NBPF10: variants seen among roughly 807,000 people sequenced by gnomAD.
The protein encoded by NBPF10 is NBPF member 10.
NBPF10 carries 63 observed loss-of-function variants against 77.9 expected under a neutral mutation model. The observed-to-expected ratio is 0.81, with a 90% CI of 0.66 to 1.00. The LOEUF (loss-of-function observed/expected upper bound fraction) is 1.00, where lower values mean the gene tolerates loss of function less well. Among genes scored for constraint, NBPF10 ranks in the 50% least tolerant of loss-of-function variants. NBPF10 has a pLI of 0.00. For missense variants in NBPF10, 522 were observed against 679.8 expected (o/e 0.77, Z 2.58); for synonymous variants, 146 against 264.5 (o/e 0.55, Z 4.35).
intron 19 of NBPF10, among the ~76,000 whole-genome samples, 190 bp from the exon 20 acceptor site, chr1:146,121,860 CAGAGAGAG>C (rs1162254853): frequency 7.1e-6 from 1 of 141,766 alleles, no homozygotes; most frequent in East Asian, 2.2e-4. Flanking sequence ...AAGAGAAAGA[CAGAGAGAG>C]AGAGACAGAG....
In NBPF10 at chr1:146,086,642, A is replaced by G. The variant is rs1470014557; in HGVS notation, c.8107+282T>C. On this transcript the variant is annotated intron_variant, in intron 64 of 89. Coordinates refer to ENST00000583866, the Ensembl canonical transcript of NBPF10. ...TCTACAAACCTTCAGTCCAAATCAT[A>G]CTTCTGTGAATTTTTTACATCTGCC... 2.9e-5 allele frequency among the ~76,000 whole-genome samples: 2 copies of G among 69,984 alleles called. 1 individual carries two copies. Among genetic ancestry groups the G allele is most frequent in the Admixed American group, 3.2e-4 (2 of 6,294 alleles). 45.9% of individuals were successfully genotyped at this position (69,984 alleles called of 152,430 possible). A position where few individuals can be genotyped will look rare whatever the true frequency, so the allele number is the denominator to read the frequency against.
chr1:146,126,556 G>C (rs1474804773), intron 13 of NBPF10, 148 bp from the exon 14 acceptor site: 16 of 706,134 alleles, frequency 2.3e-5, no homozygotes, highest in East Asian at 1.4e-4. Flanking sequence ...CCTTTATGTT[G>C]GGATTGACTA....
intron 5 of NBPF10, among the ~76,000 whole-genome samples, chr1:146,138,946 G>C (rs1659987454): frequency 7.1e-6 from 1 of 140,374 alleles, no homozygotes. Context: ...TAACATGCCA[G>C]CTAATTTTTG....
Position 146,130,157 on chromosome 1 carries a change from G to GT in NBPF10, c.1638-1876dup, listed in dbSNP as rs1247213307. Among the ~76,000 whole-genome samples the GT allele has an allele frequency of 4.4e-4, 7 of 16,002 alleles. 1 individual carries two copies. The highest frequency in any genetic ancestry group is 8.2e-4 in the Non-Finnish European group (7 of 8,486). The allele number at this position is 16,002 out of a possible 152,430, so 10.5% of individuals were successfully genotyped here. A position where few individuals can be genotyped will look rare whatever the true frequency, so the allele number is the denominator to read the frequency against. On this transcript the variant is annotated intron_variant, in intron 11 of 89. Coordinates refer to ENST00000583866, the Ensembl canonical transcript of NBPF10. ...TGTGAGTAAGAACATGCGGTATTTG[G>GT]TTTTTTGTCCTTGCAATAGTTTGCT...
At chr1:146,142,975 G>A (rs1356190952) in intron 1 of NBPF10, among the ~76,000 whole-genome samples, 5 of 102,046 alleles carry the variant, frequency 4.9e-5, no homozygotes, top group African/African-American at 1.5e-4. Flanking sequence ...GCACATCAAG[G>A]AAGTTGACAA....
In NBPF10 at chr1:146,126,221, T is replaced by G. The variant is rs587641776; in HGVS notation, c.2026+15A>C. 2 of 1,567,724 alleles carry G rather than the reference T, an allele frequency of 1.3e-6. No individual in the cohort carries two copies. Among genetic ancestry groups the G allele is most frequent in the East Asian group, 2.2e-5 (1 of 44,640 alleles). On this transcript the variant is annotated intron_variant, in intron 14 of 89. Coordinates refer to ENST00000583866, the Ensembl canonical transcript of NBPF10. ...ACTCAGTGGATCCTTATCACCTTCA[T>G]AGAAAGGTACTCACCATCCATGTCA...
chr1:146,138,549 G>A (rs587660255), intron 5 of NBPF10, 104 bp from the exon 6 acceptor site: 1 of 33,176 alleles, frequency 3.0e-5, no homozygotes, highest in African/African-American at 1.6e-4. Flanking sequence ...TTACTTATTT[G>A]AAGATGATGT....
At chr1:146,067,062 C>A (rs1335168142) in intron 89 of NBPF10, 118 bp downstream of exon 89, 1 of 569,012 alleles carries the variant, frequency 1.8e-6, no homozygotes, top group East Asian at 3.0e-5. Flanking sequence ...ACAGCAATGA[C>A]AGTAGGAGTA....
rs5019143 is a variant in NBPF10 at position 146,069,320 on chromosome 1, C to G, written c.10810+223G>C. The stretch of plus-strand genomic sequence containing the variant: ...CAACATCTTGAGAGTAGGATTAGGG[C>G]GCCACAGGCATGGCCTGAGACTAGG... On this transcript the variant is annotated intron_variant, in intron 86 of 89. Transcript: ENST00000583866. Among the ~76,000 whole-genome samples the G allele has an allele frequency of 3.6e-5, 3 of 83,210 alleles. No homozygotes were observed. The Admixed American group carries it at 3.8e-4, about 11-fold the overall frequency. The allele number at this position is 83,210 out of a possible 152,430, so 54.6% of individuals were successfully genotyped here. A position where few individuals can be genotyped will look rare whatever the true frequency, so the allele number is the denominator to read the frequency against.
chr1:146,066,953 G>C (rs1296975143), intron 89 of NBPF10, among the ~76,000 whole-genome samples: 3 of 145,696 alleles, frequency 2.1e-5, no homozygotes, highest in African/African-American at 7.3e-5. Flanking sequence ...CAGTGGCCAT[G>C]AGAGTACAGC....
At position 146,069,716 on chromosome 1, in the gene NBPF10, C is replaced by T. The variant is rs782109047; in HGVS notation, c.10638-1G>A. ...CTCATCCAGCAGCTCCCTGCTGAGC[C>T]TGGAAAAGTGGGAAAAAGTAAAGAA... On this transcript the variant is annotated splice_acceptor_variant, in intron 85 of 89. Transcript: ENST00000583866. LOFTEE classifies it high-confidence loss of function. The T allele has an allele frequency of 3.8e-6, 3 of 794,836 alleles. No individual in the cohort carries two copies. Among genetic ancestry groups the T allele is most frequent in the Non-Finnish European group, 4.3e-6 (2 of 460,742 alleles). 49.2% of individuals were successfully genotyped at this position (794,836 alleles called of 1,614,324 possible). A position where few individuals can be genotyped will look rare whatever the true frequency, so the allele number is the denominator to read the frequency against.
chr1:146,076,304 G>GACACACACAC (rs1656051215), intron 77 of NBPF10, among the ~76,000 whole-genome samples: 2 of 2,824 alleles, frequency 7.1e-4, no homozygotes, highest in Non-Finnish European at 2.0e-3. Flanking sequence ...CACACACACA[G>GACACACACAC]AGAGAGAGAG....
intron 71 of NBPF10, among the ~76,000 whole-genome samples, chr1:146,081,014 C>A (rs1217085387): frequency 8.7e-4 from 64 of 73,314 alleles, no homozygotes; most frequent in Non-Finnish European, 2.0e-3. Flanking sequence ...CACACACACA[C>A]ACACACACAC....
intron 14 of NBPF10, among the ~76,000 whole-genome samples, chr1:146,125,771 G>T (rs1219783588): frequency 7.0e-6 from 1 of 143,830 alleles, no homozygotes; most frequent in South Asian, 2.2e-4. Context: ...TTGTGCAAAT[G>T]GTTATGCCAT....
At chr1:146,067,555 A>C (rs1655259477) in intron 88 of NBPF10, among the ~76,000 whole-genome samples, 1 of 149,762 alleles carries the variant, frequency 6.7e-6, no homozygotes, top group South Asian at 2.1e-4. Context: ...GTTACGCCAT[A>C]TTTTTCCAAT....
chr1:146,070,327 G>C, exon 85 of NBPF10: 1 of 144,796 alleles, frequency 6.9e-6, no homozygotes, highest in East Asian at 3.7e-4. Flanking sequence ...AAGTCACCTG[G>C]GGCATGGTGG....
At chr1:146,126,481 G>A in intron 13 of NBPF10, 73 bp from the exon 14 acceptor site, 2 of 744,388 alleles carry the variant, frequency 2.7e-6, no homozygotes, top group Non-Finnish European at 5.0e-6. Context: ...TAGATTTCAT[G>A]GCTAACATAA....
intron 86 of NBPF10, among the ~76,000 whole-genome samples, chr1:146,069,198 T>A (rs1310901796): frequency 1.2e-5 from 1 of 84,888 alleles, no homozygotes; most frequent in Non-Finnish European, 2.4e-5. Flanking sequence ...TAGCGAGGAT[T>A]GTAGACGCTG....
intron 2 of NBPF10, 80 bp downstream of exon 2, chr1:146,142,570 C>T (rs1291382254): frequency 1.4e-6 from 1 of 726,946 alleles, no homozygotes; most frequent in African/African-American, 1.7e-5. Context: ...CAGCTTCGTT[C>T]TTACTTCTCC....
Sources: gnomAD v4.1 joint callset for allele counts (sites outside exome capture counted in the v4.1 genomes callset) on GRCh38, gnomAD v4.1.1 for gene constraint, MANE v1.5 for transcripts, NCBI Gene and HGNC (gene_info 2026-07-23, HGNC 2026-07-21) for gene names.